Variants in ZBTB2 observed in about 807,000 individuals in gnomAD.
ZBTB2 encodes zinc finger and BTB domain-containing protein 2.
A neutral mutation model predicts 39.5 loss-of-function variants in ZBTB2; 2 were observed. The observed-to-expected ratio is 0.05, with a 90% confidence interval of 0.02 to 0.16. ZBTB2 has a LOEUF of 0.16. ZBTB2 is among the 10% of genes least tolerant of loss of function. The pLI is 1.00. For synonymous variants in ZBTB2, 251 were observed against 256.6 expected, an observed-to-expected ratio of 0.98 and a Z score of 0.21; for missense variants, 391 against 653.0, an observed-to-expected ratio of 0.60 and a Z score of 4.37.
intron 2 of ZBTB2, among the ~76,000 whole-genome samples, chr6:151,373,236 G>A (rs1045178135): frequency 2.7e-5 from 4 of 147,936 alleles, no homozygotes; most frequent in African/African-American, 1.0e-4. Flanking sequence ...GACACCCAGC[G>A]AGGGCATCTG....
At chr6:151,370,055 G>A (rs1778752633) in intron 2 of ZBTB2, 1 of 965,648 alleles carries the variant, frequency 1.0e-6, no homozygotes, top group Admixed American at 6.2e-5. Flanking sequence ...CCAGACTTTG[G>A]TCTTTTCCCA....
intron 1 of ZBTB2, among the ~76,000 whole-genome samples, chr6:151,388,734 T>G (rs1779219064): frequency 1.3e-5 from 2 of 152,240 alleles, no homozygotes; most frequent in South Asian, 4.1e-4. Flanking sequence ...TACTGAAAAG[T>G]TGATATTAAA....
intron 1 of ZBTB2, among the ~76,000 whole-genome samples, chr6:151,381,523 A>G (rs946423389): frequency 6.6e-6 from 1 of 151,952 alleles, no homozygotes; most frequent in African/African-American, 2.4e-5. Context: ...TCCATCTAAA[A>G]AAAATAAAAA....
intron 1 of ZBTB2, among the ~76,000 whole-genome samples, chr6:151,387,660 A>G (rs1779189846): frequency 6.6e-6 from 1 of 152,340 alleles, no homozygotes. Context: ...AACAAAAGTA[A>G]AAAAGTAGTT....
At chr6:151,383,818 T>G (rs1455999420) in intron 1 of ZBTB2, among the ~76,000 whole-genome samples, 1 of 152,182 alleles carries the variant, frequency 6.6e-6, no homozygotes, top group Non-Finnish European at 1.5e-5. Flanking sequence ...ATAATCTCCT[T>G]GCCCTGGTGC....
intron 2 of ZBTB2, among the ~76,000 whole-genome samples, chr6:151,372,650 G>A (rs1447085213): frequency 6.6e-6 from 1 of 152,146 alleles, no homozygotes; most frequent in Non-Finnish European, 1.5e-5. Context: ...ACTGAGCAAA[G>A]ATAGAGCTGT....
At chr6:151,385,831 G>A (rs1156305014) in intron 1 of ZBTB2, among the ~76,000 whole-genome samples, 3 of 152,060 alleles carry the variant, frequency 2.0e-5, no homozygotes, top group East Asian at 3.8e-4. Flanking sequence ...CTGAAGGCTG[G>A]TCATTTGAAT....
At chr6:151,380,049 T>A (rs1258109433) in intron 1 of ZBTB2, among the ~76,000 whole-genome samples, 1 of 151,962 alleles carries the variant, frequency 6.6e-6, no homozygotes, top group Non-Finnish European at 1.5e-5. Flanking sequence ...TTTTAGAATG[T>A]CAATTTAGGA....
rs536195978 is a variant in ZBTB2, at chr6:151,374,836, C to T, written c.-12-1187G>A. On this transcript the variant is annotated intron_variant, in intron 1 of 2. Coordinates refer to ENST00000325144, the MANE Select transcript of ZBTB2 (RefSeq NM_020861.3). ...AAAAAAAAGGCCAGACATGTTGGCT[C>T]ACGCCTGTAATCCCAGCACTTTCGG... 6.1e-4 allele frequency among the ~76,000 whole-genome samples: 89 copies of T among 145,458 alleles called. 2 individuals are homozygous for T. The East Asian group carries it at 9.9e-3, about 16-fold the overall frequency.
chr6:151,382,757 T>C (rs1170672781), intron 1 of ZBTB2, among the ~76,000 whole-genome samples: 2 of 151,550 alleles, frequency 1.3e-5, no homozygotes, highest in Non-Finnish European at 2.9e-5. Flanking sequence ...GATTTTACCA[T>C]GTTGGCCAGG....
At chr6:151,379,652 A>AG (rs1304000245) in intron 1 of ZBTB2, among the ~76,000 whole-genome samples, 1 of 151,008 alleles carries the variant, frequency 6.6e-6, no homozygotes, top group Non-Finnish European at 1.5e-5. Flanking sequence ...AAAAAAAAAA[A>AG]AAAAAAAAGA....
chr6:151,380,772 C>T (rs1287317662), intron 1 of ZBTB2, among the ~76,000 whole-genome samples: 1 of 152,202 alleles, frequency 6.6e-6, no homozygotes, highest in Non-Finnish European at 1.5e-5. Flanking sequence ...GTTCCACTTG[C>T]TGGTCTCCTC....
intron 2 of ZBTB2, among the ~76,000 whole-genome samples, chr6:151,368,295 C>T (rs972684092): frequency 9.2e-5 from 14 of 151,684 alleles, no homozygotes; most frequent in Admixed American, 2.6e-4. Flanking sequence ...TACAGGTGTC[C>T]GCCACCACAC....
At chr6:151,373,229 AC>A (rs1778825840) in intron 2 of ZBTB2, among the ~76,000 whole-genome samples, 1 of 144,358 alleles carries the variant, frequency 6.9e-6, no homozygotes, top group Non-Finnish European at 1.5e-5. Context: ...TGCAGGTGAC[AC>A]CCAGCGAGGG....
chr6:151,367,396 T>C (rs1045202280), intron 2 of ZBTB2, among the ~76,000 whole-genome samples: 12 of 152,270 alleles, frequency 7.9e-5, no homozygotes, highest in African/African-American at 2.4e-4. Context: ...GCTGGGATTA[T>C]AGGCGTGAGC....
chr6:151,374,250 C>A (rs544774906), intron 1 of ZBTB2, among the ~76,000 whole-genome samples: 1 of 152,292 alleles, frequency 6.6e-6, no homozygotes, highest in African/African-American at 2.4e-5. Flanking sequence ...AGCCCCATCA[C>A]CCCTGACCCT....
chr6:151,386,324 C>G (rs1386806944), intron 1 of ZBTB2, among the ~76,000 whole-genome samples: 1 of 152,154 alleles, frequency 6.6e-6, no homozygotes, highest in African/African-American at 2.4e-5. Context: ...GCGGGCAGAT[C>G]ACTTGAGCCC....
rs376506691 is a variant in ZBTB2, at chr6:151,366,785, C to T, written c.281G>A (p.Arg94Gln). Residue 94 changes from arginine to glutamine, a missense_variant, in exon 3 of 3, where the codon CGA becomes CAA. Physicochemically the swap from Arg to Gln is conservative, Grantham distance 43. Transcript: ENST00000325144. The surrounding 1 kb of genome is among the most constrained non-coding windows in gnomAD (Gnocchi z 7.1). ...KMAPQLIDPV[R>Q]LEQGIKFLHA... ...CAGAAACTTGATGCCCTGTTCTAAT[C>T]GAACCGGGTCGATGAGCTGAGGCGC... 9.9e-6 allele frequency: 16 copies of T among 1,613,958 alleles called. No individual in the cohort carries two copies. In the Admixed American group the frequency reaches 1.2e-4, roughly 12 times the overall value.
rs780816586 is a variant in ZBTB2, at chr6:151,366,052, T to C, written c.1014A>G (p.Pro338=). ...IIDGQQQSET[P]PPSDIADIDN... is the part of the protein sequence containing the mutation. Reference sequence around the variant, plus strand: ...CAATGTCAGCAATGTCTGAGGGGGGTGGGGTTTCCGACTGCTGCTGCCCAT... The same window carrying C: ...CAATGTCAGCAATGTCTGAGGGGGGCGGGGTTTCCGACTGCTGCTGCCCAT... The change falls in exon 3 of 3, where the codon CCA becomes CCG. Residue 338 remains proline, a synonymous_variant. Coordinates refer to ENST00000325144, the MANE Select transcript of ZBTB2 (RefSeq NM_020861.3). The surrounding 1 kb of genome is among the most constrained non-coding windows in gnomAD (Gnocchi z 7.1). 6.2e-7 allele frequency: 1 copy of C among 1,613,536 alleles called. No individual in the cohort carries two copies. The highest frequency in any genetic ancestry group is 8.5e-7 in the Non-Finnish European group (1 of 1,179,946).
Sources: allele counts gnomAD v4.1 joint callset (sites outside exome capture counted in the v4.1 genomes callset), GRCh38; gene constraint gnomAD v4.1.1; non-coding constraint Gnocchi (gnomAD v3.1); transcripts MANE v1.5; gene names NCBI Gene and HGNC (gene_info 2026-07-23, HGNC 2026-07-21).